TRAF3IP3: variants seen among roughly 807,000 people sequenced by gnomAD.
TRAF3IP3 encodes the protein TRAF3-interacting JNK-activating modulator.
Under a neutral mutation model 86.5 loss-of-function variants are expected in TRAF3IP3, and 64 were observed. The ratio of observed to expected loss-of-function variants is 0.74; its 90% CI spans 0.60 to 0.91. The LOEUF is 0.91. Among genes scored for constraint, TRAF3IP3 ranks in the 40% least tolerant of loss-of-function variants. The probability of loss-of-function intolerance (pLI) is 0.00; values close to 1 mark genes in which losing one functional copy is unlikely to be tolerated. For synonymous variants in TRAF3IP3, 220 were observed against 243.9 expected (o/e 0.90, Z 0.91); for missense variants, 579 against 642.9 (o/e 0.90, Z 1.07).
intron 8 of TRAF3IP3, among the ~76,000 whole-genome samples, chr1:209,770,955 T>C (rs543218242): frequency 9.4e-6 from 1 of 106,000 alleles, no homozygotes; most frequent in Non-Finnish European, 1.9e-5. Context: ...TGCGTGTGCA[T>C]GTGGAGGGGT....
At chr1:209,771,444 G>GGT (rs148345044) in intron 8 of TRAF3IP3, among the ~76,000 whole-genome samples, 55,703 of 113,788 alleles carry the variant, frequency 0.49, 12,459 homozygotes, top group East Asian at 0.58. Context: ...TGCATGTGGA[G>GGT]GTGTGTGTGC....
At chr1:209,775,927 T>G (rs951215045) in intron 11 of TRAF3IP3, 191 bp downstream of exon 11, 3 of 545,594 alleles carry the variant, frequency 5.5e-6, no homozygotes, top group African/African-American at 3.8e-5. Flanking sequence ...AGCAAGGATG[T>G]CTGCATTGCT....
In TRAF3IP3 at chr1:209,775,673, G is replaced by A; in HGVS notation, c.990G>A (p.Arg330=). 1.2e-6 allele frequency: 2 copies of A among 1,614,114 alleles called. No individual in the cohort carries two copies. Among genetic ancestry groups the A allele is most frequent in the Non-Finnish European group, 1.7e-6 (2 of 1,180,030 alleles). The change falls in exon 11 of 17, where the codon AGG becomes AGA. Residue 330 remains arginine (R), a synonymous_variant. Coordinates refer to ENST00000367025, the MANE Select transcript of TRAF3IP3 (RefSeq NM_025228.4). ...ATGAGGCTCTGAAGGAGGACTGGAG[G>A]ACCCTTGGGACCCAGCACAGGGAGC... The part of the protein sequence containing the change: ...SQYEALKEDW[R]TLGTQHRELE...
chr1:209,763,809 A>T (rs1354493369), intron 8 of TRAF3IP3, among the ~76,000 whole-genome samples: 1 of 152,244 alleles, frequency 6.6e-6, no homozygotes, highest in East Asian at 1.9e-4. Flanking sequence ...TACATATCCA[A>T]GGAAGACCCA....
chr1:209,760,999 T>C (rs2077236011), intron 3 of TRAF3IP3, among the ~76,000 whole-genome samples: 1 of 152,208 alleles, frequency 6.6e-6, no homozygotes, highest in Admixed American at 6.5e-5. Context: ...AGTTCAAATT[T>C]AGGCAATATA....
chr1:209,772,624 G>A (rs1201831594), intron 8 of TRAF3IP3, among the ~76,000 whole-genome samples: 1 of 152,160 alleles, frequency 6.6e-6, no homozygotes, highest in Non-Finnish European at 1.5e-5. Context: ...GCCTAGACAG[G>A]GGAGGGAGAT....
At chr1:209,778,277 G>A (rs540642792) in intron 13 of TRAF3IP3, 104 bp downstream of exon 13, 28 of 841,490 alleles carry the variant, frequency 3.3e-5, no homozygotes, top group Non-Finnish European at 5.2e-5. Context: ...TTTGGCATAT[G>A]CTCTAACTCT....
chr1:209,765,182 AG>A (rs2077320310), intron 8 of TRAF3IP3, among the ~76,000 whole-genome samples: 1 of 6,662 alleles, frequency 1.5e-4, no homozygotes, highest in African/African-American at 1.0e-3. Flanking sequence ...GAGACAGGAG[AG>A]AGAGAGAGAG....
In TRAF3IP3 at chr1:209,771,391, G is replaced by A. The variant is rs1319378055; in HGVS notation, c.703-1557G>A. 6.0e-5 allele frequency among the ~76,000 whole-genome samples: 9 copies of A among 149,046 alleles called. 1 individual carries two copies. Among genetic ancestry groups the A allele is most frequent in the African/African-American group, 2.2e-4 (9 of 40,280 alleles). On this transcript the variant is annotated intron_variant, in intron 8 of 16. Transcript: ENST00000367025. ...TGGAGGTGTGTGTGCAGGTGGAAGT[G>A]TGCATGTGCATGTGAAGGTATGCAT... is the stretch of plus-strand genomic sequence containing the variant.
chr1:209,767,383 G>A (rs1204832581), intron 8 of TRAF3IP3, among the ~76,000 whole-genome samples: 1 of 152,166 alleles, frequency 6.6e-6, no homozygotes, highest in East Asian at 1.9e-4. Flanking sequence ...TGAATGATCA[G>A]ATCTGTGTCT....
chr1:209,765,690 C>T (rs1008692055), intron 8 of TRAF3IP3, among the ~76,000 whole-genome samples: 2 of 151,998 alleles, frequency 1.3e-5, no homozygotes, highest in Admixed American at 1.3e-4. Flanking sequence ...GAAAAAGAAC[C>T]ATATTTTCAA....
intron 14 of TRAF3IP3, 109 bp from the exon 15 acceptor site, chr1:209,780,361 C>T (rs11590807): frequency 0.18 from 197,883 of 1,070,054 alleles, 19,121 homozygotes; most frequent in Non-Finnish European, 0.2. Flanking sequence ...GCCAAGAGCA[C>T]GCCCTCCCAA....
intron 8 of TRAF3IP3, among the ~76,000 whole-genome samples, chr1:209,770,922 G>A (rs1269771451): frequency 6.8e-6 from 1 of 146,346 alleles, no homozygotes; most frequent in African/African-American, 2.6e-5. Context: ...GCAGGTGAAG[G>A]TGTGCGTGTG....
chr1:209,756,939 G>A (rs2077164258), intron 1 of TRAF3IP3, among the ~76,000 whole-genome samples: 1 of 152,208 alleles, frequency 6.6e-6, no homozygotes, highest in South Asian at 2.1e-4. Flanking sequence ...GGGAACCTGA[G>A]AGATGCCAGA....
chr1:209,771,687 G>A (rs1186090194), intron 8 of TRAF3IP3, among the ~76,000 whole-genome samples: 1 of 148,990 alleles, frequency 6.7e-6, no homozygotes, highest in African/African-American at 2.5e-5. Flanking sequence ...GTGGAGGTAC[G>A]TGTGTGCAGG....
At chr1:209,774,337 C>G (rs890533192) in intron 9 of TRAF3IP3, among the ~76,000 whole-genome samples, 1 of 152,146 alleles carries the variant, frequency 6.6e-6, no homozygotes, top group South Asian at 2.1e-4. Flanking sequence ...TATGCTCCCT[C>G]CCTGAAGGAG....
intron 13 of TRAF3IP3, 37 bp downstream of exon 13, chr1:209,778,210 T>A (rs1357990732): frequency 1.3e-6 from 2 of 1,597,256 alleles, no homozygotes; most frequent in East Asian, 4.5e-5. Flanking sequence ...GTCCACAGGG[T>A]TTTCCTGGGG....
At position 209,778,146 on chromosome 1, in the gene TRAF3IP3, C is replaced by G. The variant is rs780501307; in HGVS notation, c.1225C>G (p.Leu409Val). The stretch of plus-strand genomic sequence containing the variant: ...AAGGTCAGAGGCAGAGAAACTCACC[C>G]TGGTGACCAGAGTACAGCAGTTGCA... ...LKRSEAEKLTLVTRVQQLQGL... is the reference protein window; with the variant it reads ...LKRSEAEKLTVVTRVQQLQGL... Residue 409 changes from leucine (L) to valine (V), a missense_variant, in exon 13 of 17, where the codon CTG (leucine) becomes GTG (valine). Coordinates refer to ENST00000367025, the MANE Select transcript of TRAF3IP3 (RefSeq NM_025228.4). The G allele has an allele frequency of 4.3e-6, 7 of 1,614,126 alleles. No homozygotes were observed. The Admixed American group carries it at 1.0e-4, about 23-fold the overall frequency.
rs369621199 is a variant in TRAF3IP3 at position 209,772,941 on chromosome 1, G to C, written c.703-7G>C. 18 of 1,613,446 alleles carry C rather than the reference G, an allele frequency of 1.1e-5. No homozygotes were observed. The highest frequency in any genetic ancestry group is 9.9e-5 in the South Asian group (9 of 90,970). The stretch of plus-strand genomic sequence containing the variant: ...CCAAGCTCATTAACTCATCCCATTT[G>C]CTCCAGGGACAGCTTAATGAAGACA... On this transcript the variant is annotated splice_polypyrimidine_tract_variant and splice_region_variant and intron_variant, in intron 8 of 16. Transcript: ENST00000367025.
Sources: gnomAD v4.1 joint callset for allele counts (sites outside exome capture counted in the v4.1 genomes callset) on GRCh38, gnomAD v4.1.1 for gene constraint, MANE v1.5 for transcripts, NCBI Gene and HGNC (gene_info 2026-07-23, HGNC 2026-07-21) for gene names.